The following TRMT1 variants were observed in gnomAD, a reference collection of about 807,000 sequenced individuals.
TRMT1 encodes tRNA methyltransferase 1.
A neutral mutation model predicts 75.4 loss-of-function variants in TRMT1; 63 were observed. The ratio of observed to expected loss-of-function variants is 0.84; its 90% CI spans 0.68 to 1.03. The LOEUF (loss-of-function observed/expected upper bound fraction) is 1.03, where lower values mean the gene tolerates loss of function less well. TRMT1 is among the 50% of genes least tolerant of loss of function. TRMT1 has a pLI of 0.00. For synonymous variants in TRMT1, 382 were observed against 358.1 expected, an observed-to-expected ratio of 1.07 and a Z score of -0.75; for missense variants, 870 against 905.3, an observed-to-expected ratio of 0.96 and a Z score of 0.50.
intron 9 of TRMT1, 23 bp downstream of exon 9, chr19:13,109,892 T>C (rs1348549944): frequency 6.2e-7 from 1 of 1,613,882 alleles, no homozygotes; most frequent in East Asian, 2.2e-5. Context: ...GGACTCCCCT[T>C]CTTCTCCTTC....
At chr19:13,112,556 C>T in intron 7 of TRMT1, 149 bp downstream of exon 7, 1 of 672,820 alleles carries the variant, frequency 1.5e-6, no homozygotes, top group East Asian at 2.7e-5. Flanking sequence ...GGGTTGAAGA[C>T]ACGCCTGTCG....
chr19:13,115,622 C>T lies in TRMT1; in HGVS notation c.453+4G>A. On this transcript the variant is annotated splice_donor_region_variant and intron_variant, in intron 4 of 16. Coordinates refer to ENST00000357720, the MANE Select transcript of TRMT1 (RefSeq NM_001136035.4). ...GGCTGCCAGCTCCTATGCTCAGGCC[C>T]CACCTCACAGATCTCCCCCACGGCC... The T allele has an allele frequency of 5.6e-6, 9 of 1,613,932 alleles. No homozygotes were observed. Among genetic ancestry groups the T allele is most frequent in the Non-Finnish European group, 7.6e-6 (9 of 1,180,006 alleles).
intron 12 of TRMT1, among the ~76,000 whole-genome samples, chr19:13,109,122 G>A (rs901689334): frequency 4.0e-5 from 6 of 151,440 alleles, no homozygotes; most frequent in African/African-American, 1.5e-4. Context: ...ACATACGTAT[G>A]TATGTGTGTG....
Position 13,104,963 on chromosome 19 carries a change from C to A in TRMT1, c.1952G>T (p.Gly651Val). The A allele has an allele frequency of 6.2e-7, 1 of 1,613,864 alleles. No individual in the cohort carries two copies. The highest frequency in any genetic ancestry group is 8.5e-7 in the Non-Finnish European group (1 of 1,179,932). Residue 651 changes from glycine (G) to valine (V), a missense_variant, in exon 17 of 17, where the codon GGG becomes GTG. Coordinates refer to ENST00000357720, the MANE Select transcript of TRMT1 (RefSeq NM_001136035.4). The stretch of plus-strand genomic sequence containing the variant: ...GTCTATGCCTGGCCCAGCGGCAGCC[C>A]CAGGTCCAGGGGGGGTCTGGTTGGA... Reference protein sequence around the residue: ...ETSNQTPPGPGAAAGPGID With the variant: ...ETSNQTPPGPVAAAGPGID
In TRMT1 at chr19:13,104,927, T is replaced by A; in HGVS notation, c.*8A>T. The A allele has an allele frequency of 6.2e-7, 1 of 1,613,840 alleles. No individual in the cohort carries two copies. Among genetic ancestry groups the A allele is most frequent in the South Asian group, 1.1e-5 (1 of 91,082 alleles). ...CGGGAGAAGGTGACGTGACATCTCT[T>A]TATTGGTTCAGTCTATGCCTGGCCC... On this transcript the variant is annotated 3_prime_UTR_variant, in exon 17 of 17. Coordinates refer to ENST00000357720, the MANE Select transcript of TRMT1 (RefSeq NM_001136035.4).
rs992698874 is a variant in TRMT1, at chr19:13,113,713, G to C, written c.642-702C>G. The stretch of plus-strand genomic sequence containing the variant: ...CAACTTCCACCTCCTGGGTTCAAGC[G>C]ATTCTCCTGCCTCAGCTTCCCAAGT... On this transcript the variant is annotated intron_variant, in intron 5 of 16. Coordinates refer to ENST00000357720, the MANE Select transcript of TRMT1 (RefSeq NM_001136035.4). Among the ~76,000 whole-genome samples the C allele has an allele frequency of 2.0e-5, 3 of 151,954 alleles. No individual in the cohort carries two copies. The East Asian group carries it at 5.8e-4, about 29-fold the overall frequency.
rs1368925286 is a variant in TRMT1 at position 13,107,556 on chromosome 19, G to C, written c.1583+18C>G. 17 of 1,591,440 alleles carry C rather than the reference G, an allele frequency of 1.1e-5. No individual in the cohort carries two copies. The highest frequency in any genetic ancestry group is 1.5e-5 in the Non-Finnish European group (17 of 1,167,056). On this transcript the variant is annotated intron_variant, in intron 14 of 16. Coordinates refer to ENST00000357720, the MANE Select transcript of TRMT1 (RefSeq NM_001136035.4). ...TCTGTGGGCAGCCCTGGCCGCTCCTGCATGTGCTTGCCCCTACCTGGGCTC... is the reference window on the plus strand; with the variant it reads ...TCTGTGGGCAGCCCTGGCCGCTCCTCCATGTGCTTGCCCCTACCTGGGCTC...
At chr19:13,110,432 T>C (rs2019097974) in intron 7 of TRMT1, 126 bp from the exon 8 acceptor site, 11 of 1,179,874 alleles carry the variant, frequency 9.3e-6, no homozygotes, top group African/African-American at 1.5e-5. Flanking sequence ...CCCCTGAAAG[T>C]CCTGGCTGTG....
intron 14 of TRMT1, among the ~76,000 whole-genome samples, chr19:13,106,257 G>C (rs1451315909): frequency 1.3e-5 from 2 of 148,286 alleles, no homozygotes; most frequent in Admixed American, 6.7e-5. Context: ...TTCTGGTAGA[G>C]ATGGAGTCTT....
chr19:13,110,638 G>A (rs1310397516), intron 7 of TRMT1, among the ~76,000 whole-genome samples: 2 of 152,264 alleles, frequency 1.3e-5, no homozygotes, highest in Non-Finnish European at 2.9e-5. Flanking sequence ...CAAGGGCTCT[G>A]TGGGCAGGAA....
intron 5 of TRMT1, among the ~76,000 whole-genome samples, chr19:13,114,273 G>C (rs1381947200): frequency 6.6e-6 from 1 of 152,174 alleles, no homozygotes; most frequent in Non-Finnish European, 1.5e-5. Context: ...TGTAATCCCA[G>C]CACTTTGGAA....
chr19:13,106,400 G>A (rs989884876), intron 14 of TRMT1, among the ~76,000 whole-genome samples: 1 of 152,154 alleles, frequency 6.6e-6, no homozygotes, highest in Non-Finnish European at 1.5e-5. Flanking sequence ...TAACGACTGT[G>A]TGCCTGCATT....
At chr19:13,116,459 G>A (rs2019367476) in intron 1 of TRMT1, 28 bp from the exon 2 acceptor site, 1 of 1,544,352 alleles carries the variant, frequency 6.5e-7, no homozygotes, top group Non-Finnish European at 8.7e-7. Flanking sequence ...GGAGGGCACA[G>A]AGAGGGTCAG....
intron 5 of TRMT1, among the ~76,000 whole-genome samples, chr19:13,114,711 C>G (rs758778819): frequency 6.6e-6 from 1 of 151,372 alleles, no homozygotes; most frequent in Non-Finnish European, 1.5e-5. Flanking sequence ...CGTGGTGGCA[C>G]GTGCCTGTAA....
At chr19:13,112,434 A>G (rs1328677810) in intron 7 of TRMT1, among the ~76,000 whole-genome samples, 1 of 152,212 alleles carries the variant, frequency 6.6e-6, no homozygotes, top group East Asian at 1.9e-4. Flanking sequence ...TTTTTTTTGA[A>G]AAGTTGTTTT....
At chr19:13,108,432 A>G (rs1210056835) in intron 12 of TRMT1, among the ~76,000 whole-genome samples, 1 of 151,964 alleles carries the variant, frequency 6.6e-6, no homozygotes, top group Non-Finnish European at 1.5e-5. Context: ...CTGAGATTAC[A>G]GGGATGTGCC....
chr19:13,105,570 G>A lies in TRMT1; in HGVS notation c.1620C>T (p.Asn540=). 2 of 1,613,980 alleles carry A rather than the reference G, an allele frequency of 1.2e-6. No homozygotes were observed. Among genetic ancestry groups the A allele is most frequent in the East Asian group, 4.5e-5 (2 of 44,860 alleles). ...TGAGTCCTCGCTGTCGGGAGCTGGG[G>A]TTGGCATCTTCCCGGATGGTGAAGT... The part of the protein sequence containing the change: ...QANFTIREDA[N]PSSRQRGLKR... Residue 540 remains asparagine (N), a synonymous_variant, in exon 15 of 17, where the codon AAC becomes AAT. Coordinates refer to ENST00000357720, the MANE Select transcript of TRMT1 (RefSeq NM_001136035.4).
In TRMT1 at chr19:13,109,407, G is replaced by A. The variant is rs2019030621; in HGVS notation, c.1371C>T (p.Cys457=). The part of the protein sequence containing the change: ...TLDQLSSTIH[C]NTPSLLQLRS... ...GCAACTGCAGGAGGCTTGGTGTGTT[G>A]CAGTGGATGGTGCTGCTCAGCTGGT... Residue 457 remains cysteine, a synonymous_variant, in exon 12 of 17, where the codon TGC becomes TGT. Coordinates refer to ENST00000357720, the MANE Select transcript of TRMT1 (RefSeq NM_001136035.4). 1.2e-6 allele frequency: 2 copies of A among 1,613,090 alleles called. No homozygotes were observed. The highest frequency in any genetic ancestry group is 1.9e-4 in the Middle Eastern group (1 of 5,294).
rs752020938 is a variant in TRMT1 at position 13,105,561 on chromosome 19, G to C, written c.1629C>G (p.Ser543=). ...FTIREDANPS[S]RQRGLKRFQA... The stretch of plus-strand genomic sequence containing the variant: ...GGAAGCGCTTGAGTCCTCGCTGTCG[G>C]GAGCTGGGGTTGGCATCTTCCCGGA... The change falls in exon 15 of 17, where the codon TCC becomes TCG. Residue 543 remains serine, a synonymous_variant. Transcript: ENST00000357720. 1 of 1,613,998 alleles carries C rather than the reference G, an allele frequency of 6.2e-7. No individual in the cohort carries two copies. Among genetic ancestry groups the C allele is most frequent in the Non-Finnish European group, 8.5e-7 (1 of 1,180,018 alleles).
Sources: allele counts gnomAD v4.1 joint callset (sites outside exome capture counted in the v4.1 genomes callset), GRCh38; gene constraint gnomAD v4.1.1; transcripts MANE v1.5; gene names NCBI Gene and HGNC (gene_info 2026-07-23, HGNC 2026-07-21).